MAP9: variants seen among roughly 807,000 people sequenced by gnomAD.
MAP9 encodes microtubule associated protein 9.
MAP9 carries 80 observed loss-of-function variants against 75.2 expected under a neutral mutation model. The observed-to-expected ratio is 1.06, with a 90% CI of 0.89 to 1.28. MAP9 has a LOEUF of 1.28. Ranked by LOEUF, MAP9 falls within the 50% of genes most tolerant of loss-of-function variation. MAP9 has a pLI of 0.00. For synonymous variants in MAP9, 235 were observed against 237.3 expected, an observed-to-expected ratio of 0.99 and a Z score of 0.09; for missense variants, 753 against 719.9, an observed-to-expected ratio of 1.05 and a Z score of -0.53.
intron 5 of MAP9, chr4:155,362,386 C>T (rs1421706868): frequency 2.7e-5 from 9 of 338,448 alleles, no homozygotes; most frequent in Non-Finnish European, 4.7e-5. Context: ...TCTTTAACTA[C>T]CACCACCTCT....
chr4:155,360,499 G>A (rs1172626105), intron 6 of MAP9, 84 bp from the exon 7 acceptor site: 3 of 1,314,884 alleles, frequency 2.3e-6, no homozygotes, highest in East Asian at 2.3e-5. Flanking sequence ...TCTTTTAAAT[G>A]AGGACTATCT....
intron 4 of MAP9, among the ~76,000 whole-genome samples, chr4:155,371,552 G>C (rs1356545682): frequency 1.3e-5 from 2 of 151,538 alleles, no homozygotes; most frequent in Non-Finnish European, 1.5e-5. Context: ...TTTAAGAAAA[G>C]CGCTTTTTTT....
intron 8 of MAP9, among the ~76,000 whole-genome samples, chr4:155,356,316 T>C (rs1014800943): frequency 2.0e-5 from 3 of 152,066 alleles, no homozygotes; most frequent in Admixed American, 6.6e-5. Flanking sequence ...ATAATTACTT[T>C]GAAAATGATG....
At chr4:155,359,380 G>A (rs531855783) in intron 7 of MAP9, among the ~76,000 whole-genome samples, 64 of 152,002 alleles carry the variant, frequency 4.2e-4, no homozygotes, top group Non-Finnish European at 6.9e-4. Context: ...ACAAGTCAGA[G>A]CTAAATAATG....
rs1731251047 is a variant in MAP9, at chr4:155,345,461, TTTG to T, written c.*2319_*2321del. The T allele has an allele frequency of 3.8e-5, 3 of 78,992 alleles. No individual in the cohort carries two copies. Among genetic ancestry groups the T allele is most frequent in the South Asian group, 3.2e-4 (1 of 3,108 alleles). The allele number at this position is 78,992 out of a possible 1,614,324, so 4.9% of individuals were successfully genotyped here. A position where few individuals can be genotyped will look rare whatever the true frequency, so the allele number is the denominator to read the frequency against. On this transcript the variant is annotated 3_prime_UTR_variant, in exon 14 of 14. Coordinates refer to ENST00000311277, the MANE Select transcript of MAP9 (RefSeq NM_001039580.2). ...GTTTTTTTGTTTTGTTTTGTTTTGT[TTTG>T]TTTTTTTGAGTGTTACAGCCTGGAC...
At chr4:155,355,649 T>A (rs564746605) in intron 9 of MAP9, 67 bp downstream of exon 9, 2 of 1,243,952 alleles carry the variant, frequency 1.6e-6, no homozygotes, top group Admixed American at 4.8e-5. Context: ...TACTTTATTC[T>A]TTATAAACAG....
intron 10 of MAP9, 38 bp from the exon 11 acceptor site, chr4:155,353,378 A>C (rs201165592): frequency 2.1e-6 from 3 of 1,458,096 alleles, no homozygotes; most frequent in East Asian, 5.0e-5. Flanking sequence ...ATACATATAT[A>C]TGTATATATA....
intron 13 of MAP9, among the ~76,000 whole-genome samples, chr4:155,351,594 TACAAA>T (rs999459071): frequency 1.3e-5 from 2 of 151,592 alleles, no homozygotes; most frequent in African/African-American, 2.4e-5. Flanking sequence ...ATTTCCCCAG[TACAAA>T]ACAAAAGATT....
intron 7 of MAP9, 80 bp downstream of exon 7, chr4:155,360,088 T>C: frequency 7.5e-7 from 1 of 1,332,160 alleles, no homozygotes; most frequent in Admixed American, 2.0e-5. Flanking sequence ...CAGAAGTATA[T>C]AACACAGAAG....
At position 155,352,661 on chromosome 4, in the gene MAP9, C is replaced by A. The variant is rs997356593; in HGVS notation, c.1756G>T (p.Glu586Ter). 1 of 1,538,518 alleles carries A rather than the reference C, an allele frequency of 6.5e-7. No individual in the cohort carries two copies. Among genetic ancestry groups the A allele is most frequent in the East Asian group, 2.3e-5 (1 of 43,784 alleles). Residue 586 changes from glutamate (E) to a stop codon, truncating the protein, a stop_gained, in exon 13 of 14, where the codon GAA becomes TAA. Coordinates refer to ENST00000311277, the MANE Select transcript of MAP9 (RefSeq NM_001039580.2). LOFTEE classifies it high-confidence loss of function. The stretch of plus-strand genomic sequence containing the variant: ...TCTTTTTTCTCAGCTCTTTTCAGTT[C>A]TTCCTTTCTTTTCTCATTTATTTTT... ...KEKINEKRKEELKRAEKKDKD... is the reference protein window; with the variant it reads ...KEKINEKRKE
Position 155,347,865 on chromosome 4 carries a change from T to C in MAP9, c.1862A>G (p.Lys621Arg), listed in dbSNP as rs370584338. ...EKQERIERKQKKRHSFLESEA... is the reference protein window; with the variant it reads ...EKQERIERKQRKRHSFLESEA... ...ACTTTCAAGAAAGGAATGACGTTTCTTCTGTTTTCGTTCAATTCTTTCTTG... is the reference window on the plus strand; with the variant it reads ...ACTTTCAAGAAAGGAATGACGTTTCCTCTGTTTTCGTTCAATTCTTTCTTG... The change falls in exon 14 of 14, where the codon AAG (lysine) becomes AGG (arginine). Residue 621 changes from lysine (K) to arginine (R), a missense_variant. Coordinates refer to ENST00000311277, the MANE Select transcript of MAP9 (RefSeq NM_001039580.2). The C allele has an allele frequency of 1.9e-6, 3 of 1,590,484 alleles. No individual in the cohort carries two copies. The highest frequency in any genetic ancestry group is 2.6e-6 in the Non-Finnish European group (3 of 1,162,242).
In MAP9 at chr4:155,352,632, TTTATC is replaced by T. The variant is rs1169784544; in HGVS notation, c.1780_1784del (p.Asp594ArgfsTer2). On this transcript the variant is annotated frameshift_variant, in exon 13 of 14. Transcript: ENST00000311277. LOFTEE classifies it high-confidence loss of function. ...CATATTCATTAATAGCTTGTTTATC[TTTATC>T]TTTTTTCTCAGCTCTTTTCAGTTCT... 2 of 1,552,534 alleles carry T rather than the reference TTTATC, an allele frequency of 1.3e-6. No individual in the cohort carries two copies. The highest frequency in any genetic ancestry group is 1.8e-6 in the Non-Finnish European group (2 of 1,137,980).
rs1260567237 is a variant in MAP9, at chr4:155,343,672, GTTGATT to G, written c.*4105_*4110del. On this transcript the variant is annotated 3_prime_UTR_variant, in exon 14 of 14. Coordinates refer to ENST00000311277, the MANE Select transcript of MAP9 (RefSeq NM_001039580.2). The stretch of plus-strand genomic sequence containing the variant: ...CACCCAATAAAATAAATCTTGAATG[GTTGATT>G]TTAATACACTAAACATTACATGAAA... 6.8e-6 allele frequency: 1 copy of G among 147,866 alleles called. No individual in the cohort carries two copies. Among genetic ancestry groups the G allele is most frequent in the Non-Finnish European group, 1.5e-5 (1 of 67,180 alleles). 9.2% of individuals were successfully genotyped at this position (147,866 alleles called of 1,614,324 possible). A position where few individuals can be genotyped will look rare whatever the true frequency, so the allele number is the denominator to read the frequency against.
At position 155,347,758 on chromosome 4, in the gene MAP9, C is replaced by A; in HGVS notation, c.*25G>T. The A allele has an allele frequency of 1.3e-6, 2 of 1,564,562 alleles. No individual in the cohort carries two copies. Among genetic ancestry groups the A allele is most frequent in the South Asian group, 2.5e-5 (2 of 80,662 alleles). On this transcript the variant is annotated 3_prime_UTR_variant, in exon 14 of 14. Transcript: ENST00000311277. ...CTAATATTGGCAAACCGATAAATAA[C>A]CAAATAATGTAAGAACTAGAATTAT...
chr4:155,355,726 G>T lies in MAP9; in HGVS notation c.1280C>A (p.Ala427Asp). ...EPDRADNIRA[A>D]VYQEWLEKKN... ...ATTTTCCTTTTTTACCTGATAAACA[G>T]CTGCCCTTATGTTATCTGCTCTATC... The change falls in exon 9 of 14, where the codon GCT becomes GAT. Residue 427 changes from alanine to aspartate, a missense_variant. By Grantham distance (126) the Ala-to-Asp change is moderately radical (BLOSUM62 -2). Transcript: ENST00000311277. The T allele has an allele frequency of 6.2e-7, 1 of 1,603,930 alleles. No homozygotes were observed. Among genetic ancestry groups the T allele is most frequent in the Non-Finnish European group, 8.5e-7 (1 of 1,177,256 alleles).
At position 155,373,142 on chromosome 4, in the gene MAP9, A is replaced by C. The variant is rs376256528; in HGVS notation, c.475T>G (p.Ser159Ala). Residue 159 changes from serine to alanine, a missense_variant, in exon 4 of 14, where the codon TCT becomes GCT. Ser to Ala is a moderately conservative substitution (Grantham distance 99). Transcript: ENST00000311277. ...AGTAATCCTAACAAATTACCTGAAGATGTGCTTTTAATTGAAAGAATTCTG... is the reference window on the plus strand; with the variant it reads ...AGTAATCCTAACAAATTACCTGAAGCTGTGCTTTTAATTGAAAGAATTCTG... ...KPRILSIKST[S>A]SAENNSLDTD... 47 of 1,542,682 alleles carry C rather than the reference A, an allele frequency of 3.0e-5. No individual in the cohort carries two copies. The African/African-American group carries it at 6.1e-4, about 20-fold the overall frequency.
intron 3 of MAP9, among the ~76,000 whole-genome samples, chr4:155,374,422 T>C (rs1005203272): frequency 2.6e-5 from 4 of 152,220 alleles, no homozygotes; most frequent in Admixed American, 2.6e-4. Flanking sequence ...TATGTTTACA[T>C]AGCTAAGAGA....
Position 155,355,266 on chromosome 4 carries a change from G to A in MAP9, c.1291-106C>T, listed in dbSNP as rs528999451. On this transcript the variant is annotated intron_variant, in intron 9 of 13. Coordinates refer to ENST00000311277, the MANE Select transcript of MAP9 (RefSeq NM_001039580.2). ...AAATTCACATGTACAATTTTCTAAA[G>A]TATACTATTCTACTCTAAAAAAGAC... The A allele has an allele frequency of 3.0e-5, 13 of 432,300 alleles. No individual in the cohort carries two copies. In the East Asian group the frequency reaches 3.8e-4, roughly 13 times the overall value. The allele number at this position is 432,300 out of a possible 1,614,324, so 26.8% of individuals were successfully genotyped here.
At position 155,344,044 on chromosome 4, in the gene MAP9, G is replaced by GTTTCT. The variant is rs1731200499; in HGVS notation, c.*3734_*3738dup. ...TCAAGATTAAATTAGGGAAATCTAAGTTTCTTTTACTAGTTTATTCTTGGG... is the reference window on the plus strand; with the variant it reads ...TCAAGATTAAATTAGGGAAATCTAAGTTTCTTTTCTTTTACTAGTTTATTCTTGGG... On this transcript the variant is annotated 3_prime_UTR_variant, in exon 14 of 14. Coordinates refer to ENST00000311277, the MANE Select transcript of MAP9 (RefSeq NM_001039580.2). 6.6e-6 allele frequency: 1 copy of GTTTCT among 151,864 alleles called. No homozygotes were observed. The highest frequency in any genetic ancestry group is 6.6e-5 in the Admixed American group (1 of 15,238). The allele number at this position is 151,864 out of a possible 1,614,324, so 9.4% of individuals were successfully genotyped here. A position where few individuals can be genotyped will look rare whatever the true frequency, so the allele number is the denominator to read the frequency against.
Sources: allele counts gnomAD v4.1 joint callset (sites outside exome capture counted in the v4.1 genomes callset), GRCh38; gene constraint gnomAD v4.1.1; transcripts MANE v1.5; gene names NCBI Gene and HGNC (gene_info 2026-07-23, HGNC 2026-07-21).